The following GRK5 variants were observed in gnomAD, a reference collection of about 807,000 sequenced individuals.
The protein encoded by GRK5 is g protein-coupled receptor kinase GRK5.
A neutral mutation model predicts 78.4 loss-of-function variants in GRK5; 40 were observed. That is an observed-to-expected ratio of 0.51 (90% CI 0.40 to 0.66). GRK5 has a LOEUF of 0.66. Ranked by LOEUF, GRK5 falls within the 30% of genes least tolerant of loss-of-function variation. The pLI is 0.00. For synonymous variants in GRK5, 289 were observed against 296.8 expected, an observed-to-expected ratio of 0.97 and a Z score of 0.27; for missense variants, 598 against 759.9, an observed-to-expected ratio of 0.79 and a Z score of 2.50.
chr10:119,431,628 C>A lies in GRK5; in HGVS notation c.738+101C>A. On this transcript the variant is annotated intron_variant, in intron 8 of 15. Coordinates refer to ENST00000392870, the MANE Select transcript of GRK5 (RefSeq NM_005308.3). The surrounding 1 kb of genome is among the most constrained non-coding windows in gnomAD (Gnocchi z 4.8). ...GTCCTCTAATGCGGCCGGTCCCCAC[C>A]CCTGGGAAGGGGAATGCCAGTGGCA... The A allele has an allele frequency of 7.2e-7, 1 of 1,397,220 alleles. No individual in the cohort carries two copies. The highest frequency in any genetic ancestry group is 9.7e-7 in the Non-Finnish European group (1 of 1,035,284). The allele number at this position is 1,397,220 out of a possible 1,614,324, so 86.6% of individuals were successfully genotyped here.
At position 119,238,096 on chromosome 10, in the gene GRK5, C is replaced by T. The variant is rs910055342; in HGVS notation, c.52+30127C>T. On this transcript the variant is annotated intron_variant, in intron 1 of 15. Transcript: ENST00000392870. The surrounding 1 kb of genome is among the most constrained non-coding windows in gnomAD (Gnocchi z 4.7). ...GAGGAAGGAGGTTGCTTTCTGTGTG[C>T]GTGTTTTTCTGTTTCATGTCCTGAC... 1.3e-5 allele frequency among the ~76,000 whole-genome samples: 2 copies of T among 152,078 alleles called. No individual in the cohort carries two copies. Among genetic ancestry groups the T allele is most frequent in the African/African-American group, 2.4e-5 (1 of 41,394 alleles).
chr10:119,335,181 T>A (rs145374736), intron 2 of GRK5, among the ~76,000 whole-genome samples: 2 of 124,160 alleles, frequency 1.6e-5, no homozygotes, highest in Admixed American at 8.4e-5. Flanking sequence ...TCTCTCCCCC[T>A]CTCCCTCTCC....
intron 4 of GRK5, among the ~76,000 whole-genome samples, chr10:119,420,439 C>T (rs966525199): frequency 3.3e-5 from 5 of 151,472 alleles, no homozygotes; most frequent in Non-Finnish European, 2.9e-5. Context: ...ACAGTACAAC[C>T]GAGAGGCATA....
chr10:119,399,936 C>T (rs1046160397), intron 4 of GRK5, among the ~76,000 whole-genome samples: 1 of 152,182 alleles, frequency 6.6e-6, no homozygotes, highest in Non-Finnish European at 1.5e-5. Context: ...TCAGGCTGTG[C>T]CCCAGAAGGC....
intron 1 of GRK5, among the ~76,000 whole-genome samples, chr10:119,301,721 G>A (rs1589731200): frequency 6.6e-6 from 1 of 152,214 alleles, no homozygotes; most frequent in East Asian, 1.9e-4. Flanking sequence ...CAGTCAAACC[G>A]TGGGTTTTCT....
At chr10:119,273,621 C>A (rs1273859318) in intron 1 of GRK5, among the ~76,000 whole-genome samples, 1 of 152,202 alleles carries the variant, frequency 6.6e-6, no homozygotes, top group Admixed American at 6.5e-5. Flanking sequence ...GAACTCATCT[C>A]CCCAAGCTTT....
At chr10:119,367,803 G>T (rs551113262) in intron 2 of GRK5, among the ~76,000 whole-genome samples, 6 of 152,334 alleles carry the variant, frequency 3.9e-5, no homozygotes, top group Non-Finnish European at 7.3e-5. Flanking sequence ...GAGGATTAAG[G>T]GTGGCTGGGG....
intron 1 of GRK5, among the ~76,000 whole-genome samples, chr10:119,228,941 C>T (rs1327173960): frequency 6.6e-6 from 1 of 152,086 alleles, no homozygotes; most frequent in Non-Finnish European, 1.5e-5. Flanking sequence ...TGTGTTACTT[C>T]AAGGATTCTT....
intron 8 of GRK5, among the ~76,000 whole-genome samples, chr10:119,436,282 A>C (rs116150374): frequency 0.017 from 2,558 of 152,352 alleles, 77 homozygotes; most frequent in African/African-American, 0.059. Flanking sequence ...CCAAAAGGGC[A>C]AGTGAGCCCT....
intron 1 of GRK5, among the ~76,000 whole-genome samples, chr10:119,281,993 C>T (rs1849770691): frequency 6.6e-6 from 1 of 152,156 alleles, no homozygotes; most frequent in Admixed American, 6.5e-5. Context: ...TGGTGACCTC[C>T]CTCCTGGGCA....
chr10:119,226,689 C>T (rs1032760823), intron 1 of GRK5, among the ~76,000 whole-genome samples: 6 of 151,368 alleles, frequency 4.0e-5, no homozygotes, highest in African/African-American at 1.5e-4. Context: ...GGATTACAGG[C>T]GCCTGCTACC....
intron 1 of GRK5, among the ~76,000 whole-genome samples, chr10:119,216,577 G>A (rs531917307): frequency 6.6e-6 from 1 of 152,366 alleles, no homozygotes; most frequent in South Asian, 2.1e-4. Flanking sequence ...GGGAGGCTGA[G>A]GCAGGAGGAT....
intron 1 of GRK5, among the ~76,000 whole-genome samples, chr10:119,286,649 A>G (rs555024464): frequency 1.3e-5 from 2 of 152,328 alleles, no homozygotes; most frequent in South Asian, 4.1e-4. Flanking sequence ...AGGAATAATG[A>G]AGGGCTGGGA....
chr10:119,431,332 T>G lies in GRK5; in HGVS notation c.598-55T>G. The G allele has an allele frequency of 1.3e-6, 2 of 1,568,740 alleles. No individual in the cohort carries two copies. The highest frequency in any genetic ancestry group is 1.7e-6 in the Non-Finnish European group (2 of 1,157,430). ...CCTGTGGTCCCCGCCCTGGAGGAGC[T>G]CGGGGCAGGCCTCCACGGTGCTCCT... On this transcript the variant is annotated intron_variant, in intron 7 of 15. Coordinates refer to ENST00000392870, the MANE Select transcript of GRK5 (RefSeq NM_005308.3). The surrounding 1 kb of genome is among the most constrained non-coding windows in gnomAD (Gnocchi z 4.8).
intron 2 of GRK5, among the ~76,000 whole-genome samples, chr10:119,363,899 A>G (rs900492006): frequency 6.6e-6 from 1 of 152,206 alleles, no homozygotes; most frequent in Non-Finnish European, 1.5e-5. Flanking sequence ...ATGAACAGCT[A>G]TTGGGTGACA....
At chr10:119,316,323 A>G (rs2133748884) in intron 1 of GRK5, among the ~76,000 whole-genome samples, 3 of 152,358 alleles carry the variant, frequency 2.0e-5, no homozygotes, top group Admixed American at 2.0e-4. Context: ...CTTTGGAATC[A>G]GGATTCTGGG....
At chr10:119,353,774 C>T (rs1851219637) in intron 2 of GRK5, among the ~76,000 whole-genome samples, 1 of 152,116 alleles carries the variant, frequency 6.6e-6, no homozygotes, top group Non-Finnish European at 1.5e-5. Context: ...TTATTTTTAG[C>T]AATGACATCA....
chr10:119,380,569 C>T (rs558230232), intron 2 of GRK5, among the ~76,000 whole-genome samples: 6 of 152,238 alleles, frequency 3.9e-5, no homozygotes, highest in African/African-American at 1.2e-4. Context: ...CATGTCCATA[C>T]AGAAATCAGA....
At chr10:119,368,129 C>T (rs1336909588) in intron 2 of GRK5, among the ~76,000 whole-genome samples, 3 of 152,258 alleles carry the variant, frequency 2.0e-5, no homozygotes, top group African/African-American at 4.8e-5. Context: ...GATGGGCCCC[C>T]AGTCCTCCCT....
Sources: allele counts gnomAD v4.1 joint callset (sites outside exome capture counted in the v4.1 genomes callset), GRCh38; gene constraint gnomAD v4.1.1; non-coding constraint Gnocchi (gnomAD v3.1); transcripts MANE v1.5; gene names NCBI Gene and HGNC (gene_info 2026-07-23, HGNC 2026-07-21).